ZIM2: variants seen among roughly 807,000 people sequenced by gnomAD.
The protein encoded by ZIM2 is zinc finger protein 656.
A neutral mutation model predicts 38.6 loss-of-function variants in ZIM2; 14 were observed. The ratio of observed to expected loss-of-function variants is 0.36; its 90% confidence interval spans 0.24 to 0.57. The LOEUF is 0.57. ZIM2 is among the 20% of genes least tolerant of loss of function. The probability of loss-of-function intolerance (pLI) is 0.81; values close to 1 mark genes in which losing one functional copy is unlikely to be tolerated. For missense variants in ZIM2, 680 were observed against 695.1 expected (o/e 0.98, Z 0.24); for synonymous variants, 247 against 245.8 (o/e 1.00, Z -0.04).
intron 9 of ZIM2, among the ~76,000 whole-genome samples, chr19:56,797,085 G>A (rs2047268621): frequency 6.6e-6 from 1 of 152,150 alleles, no homozygotes; most frequent in Admixed American, 6.5e-5. Context: ...GCTGAGGCAG[G>A]CAGATGACCT....
intron 4 of ZIM2, 120 bp downstream of exon 4, chr19:56,824,142 C>T: frequency 6.8e-7 from 1 of 1,473,426 alleles, no homozygotes; most frequent in Admixed American, 2.3e-5. Flanking sequence ...CAGGACATCC[C>T]CACCGCTGCC....
At chr19:56,807,397 G>T (rs1384529329) in intron 9 of ZIM2, among the ~76,000 whole-genome samples, 1 of 152,180 alleles carries the variant, frequency 6.6e-6, no homozygotes, top group Non-Finnish European at 1.5e-5. Flanking sequence ...ATCATGTTAT[G>T]ATTATACAGA....
intron 12 of ZIM2, among the ~76,000 whole-genome samples, chr19:56,777,155 T>C (rs891157825): frequency 1.3e-5 from 2 of 152,156 alleles, no homozygotes; most frequent in African/African-American, 4.8e-5. Flanking sequence ...TGGCAGACAC[T>C]TGAAGTATGT....
intron 9 of ZIM2, among the ~76,000 whole-genome samples, chr19:56,803,980 C>G (rs781138926): frequency 4.6e-5 from 7 of 152,218 alleles, no homozygotes; most frequent in Non-Finnish European, 8.8e-5. Context: ...ACTCTAACAC[C>G]CACTTTGGTG....
intron 9 of ZIM2, 88 bp downstream of exon 9, chr19:56,817,658 G>T: frequency 6.6e-7 from 1 of 1,517,526 alleles, no homozygotes; most frequent in Non-Finnish European, 9.1e-7. Context: ...GCACCCTTCT[G>T]TGATGTTTAG....
chr19:56,829,218 G>A (rs1410367451), intron 2 of ZIM2, among the ~76,000 whole-genome samples: 1 of 151,730 alleles, frequency 6.6e-6, no homozygotes, highest in Non-Finnish European at 1.5e-5. Context: ...GGGCGTGGTG[G>A]CAGTAATCCC....
chr19:56,775,083 C>T lies in ZIM2; in HGVS notation c.1282G>A (p.Ala428Thr). Residue 428 changes from alanine (A) to threonine (T), a missense_variant, in exon 13 of 13, where the codon GCG (alanine) becomes ACG (threonine). Coordinates refer to ENST00000629319, the MANE Select transcript of ZIM2 (RefSeq NM_001387356.1). ...ATTCTTACACGTTCACAGAGATTCG[C>T]ACACTGGACGGAAGGCTTTCTACCT... is the stretch of plus-strand genomic sequence containing the variant. Reference protein sequence around the residue: ...NEGRKPSVQCANLCERVRIHS... With the variant: ...NEGRKPSVQCTNLCERVRIHS... The T allele has an allele frequency of 6.2e-7, 1 of 1,614,166 alleles. No individual in the cohort carries two copies. Among genetic ancestry groups the T allele is most frequent in the Non-Finnish European group, 8.5e-7 (1 of 1,180,048 alleles).
chr19:56,812,507 G>A (rs529608384), intron 9 of ZIM2: 1 of 985,430 alleles, frequency 1.0e-6, no homozygotes, highest in Non-Finnish European at 1.2e-6. Flanking sequence ...AAGATCTAAG[G>A]ATACTAGCTC....
chr19:56,821,595 GTC>G (rs2060492831), intron 7 of ZIM2, 54 bp downstream of exon 7: 4 of 1,595,168 alleles, frequency 2.5e-6, no homozygotes, highest in Non-Finnish European at 3.4e-6. Context: ...AAAGAAAGGC[GTC>G]TCTGCCATGA....
intron 11 of ZIM2, among the ~76,000 whole-genome samples, chr19:56,781,597 C>G (rs2046334858): frequency 1.3e-5 from 2 of 152,064 alleles, no homozygotes; most frequent in African/African-American, 4.8e-5. Flanking sequence ...GGTTAAATCC[C>G]AGCTTTCGAC....
chr19:56,818,571 G>A (rs756213183), intron 8 of ZIM2, 29 bp downstream of exon 8: 2 of 1,611,646 alleles, frequency 1.2e-6, no homozygotes, highest in East Asian at 2.2e-5. Flanking sequence ...TGACTGGACT[G>A]GGAGTGACTG....
At chr19:56,790,178 C>G (rs138606397) in intron 9 of ZIM2, 1 of 389,014 alleles carries the variant, frequency 2.6e-6, no homozygotes, top group Non-Finnish European at 4.6e-6. Flanking sequence ...CTCCCACTGC[C>G]TTCCAAATAA....
At position 56,808,622 on chromosome 19, in the gene ZIM2, C is replaced by T. The variant is rs139269305; in HGVS notation, c.490+9124G>A. Among the ~76,000 whole-genome samples the T allele has an allele frequency of 9.6e-3, 1,463 of 152,230 alleles. 6 individuals are homozygous for T. The highest frequency in any genetic ancestry group is 0.014 in the Non-Finnish European group (939 of 68,026). ...TTCTAGGGGAGGAGTGACTTAAACT[C>T]GAGAGCTGGCTAGCCTGCAGACAGT... is the stretch of plus-strand genomic sequence containing the variant. On this transcript the variant is annotated intron_variant, in intron 9 of 12. Transcript: ENST00000629319.
rs2045951895 is a variant in ZIM2, at chr19:56,775,519, A to G, written c.846T>C (p.His282=). The G allele has an allele frequency of 6.2e-7, 1 of 1,609,854 alleles. No homozygotes were observed. The highest frequency in any genetic ancestry group is 8.5e-7 in the Non-Finnish European group (1 of 1,178,022). Residue 282 remains histidine, a synonymous_variant, in exon 13 of 13, where the codon CAT becomes CAC. Coordinates refer to ENST00000629319, the MANE Select transcript of ZIM2 (RefSeq NM_001387356.1). Reference sequence around the variant, plus strand: ...CCTGGTGTGGTTCCAATGGATCATCATGAGACTCTCCTGCAGAGACAATGC... The same window carrying G: ...CCTGGTGTGGTTCCAATGGATCATCGTGAGACTCTCCTGCAGAGACAATGC... ...RHTVICQGES[H]DDPLEPHQGN... is the part of the protein sequence containing the mutation.
At chr19:56,789,835 A>G (rs755899285) in intron 10 of ZIM2, 37 bp downstream of exon 10, 33 of 1,481,858 alleles carry the variant, frequency 2.2e-5, no homozygotes, top group Middle Eastern at 3.6e-4. Context: ...TAAGATCCCC[A>G]TATTTGATAA....
In ZIM2 at chr19:56,836,018, C is replaced by G. The variant is rs751087934; in HGVS notation, c.-227G>C. Reference sequence around the variant, plus strand: ...ACTGTGAGGAGGAAATTCAACTCACCTGGACCCAGCCACCTAGCGTTTGGA... The same window carrying G: ...ACTGTGAGGAGGAAATTCAACTCACGTGGACCCAGCCACCTAGCGTTTGGA... On this transcript the variant is annotated splice_region_variant and 5_prime_UTR_variant, in exon 2 of 13. Transcript: ENST00000629319. The G allele has an allele frequency of 5.9e-6, 3 of 511,912 alleles. No homozygotes were observed. The highest frequency in any genetic ancestry group is 3.9e-5 in the Admixed American group (2 of 50,784). The allele number at this position is 511,912 out of a possible 1,614,324, so 31.7% of individuals were successfully genotyped here.
At chr19:56,837,888 C>A (rs2062366000) in intron 1 of ZIM2, among the ~76,000 whole-genome samples, 1 of 152,190 alleles carries the variant, frequency 6.6e-6, no homozygotes, top group African/African-American at 2.4e-5. Context: ...ACTCCTACAG[C>A]GCAGCTGTCA....
chr19:56,838,531 C>A (rs942606985), intron 1 of ZIM2, among the ~76,000 whole-genome samples: 1 of 152,184 alleles, frequency 6.6e-6, no homozygotes, highest in Admixed American at 6.5e-5. Flanking sequence ...CGCCCCCATA[C>A]ACAAGATGGA....
intron 9 of ZIM2, chr19:56,799,745 G>A (rs1022187880): frequency 1.3e-5 from 2 of 152,130 alleles, no homozygotes; most frequent in Non-Finnish European, 2.9e-5. Flanking sequence ...AATGTTCTTA[G>A]CAGCTATATT....
Sources: gnomAD v4.1 joint callset for allele counts (sites outside exome capture counted in the v4.1 genomes callset) on GRCh38, gnomAD v4.1.1 for gene constraint, MANE v1.5 for transcripts, NCBI Gene and HGNC (gene_info 2026-07-23, HGNC 2026-07-21) for gene names.